The following STAG1 variants were observed in gnomAD, a reference collection of about 807,000 sequenced individuals.
STAG1 encodes the protein STAG1 cohesin complex component, also known as cohesin subunit SA-1.
Under a neutral mutation model 170.9 loss-of-function variants are expected in STAG1, and 26 were observed. The observed-to-expected ratio is 0.15, with a 90% confidence interval of 0.11 to 0.21. STAG1 has a LOEUF of 0.21. Among genes scored for constraint, STAG1 ranks in the 10% least tolerant of loss-of-function variants. The pLI, the probability that STAG1 is intolerant of heterozygous loss-of-function variation, is 1.00. For synonymous variants in STAG1, 514 were observed against 497.7 expected (o/e 1.03, Z -0.44); for missense variants, 964 against 1,509.5 (o/e 0.64, Z 5.99).
chr3:136,672,351 T>G, intron 1 of STAG1, among the ~76,000 whole-genome samples: 1 of 152,280 alleles, frequency 6.6e-6, no homozygotes, highest in East Asian at 1.9e-4. Flanking sequence ...AAAGTGAGGG[T>G]TAAATAATAA....
chr3:136,592,534 C>A (rs1938235699), intron 4 of STAG1, among the ~76,000 whole-genome samples: 1 of 152,162 alleles, frequency 6.6e-6, no homozygotes, highest in East Asian at 1.9e-4. Flanking sequence ...CATGTGAGAA[C>A]AAACTAATAC....
intron 4 of STAG1, among the ~76,000 whole-genome samples, chr3:136,591,273 A>G (rs1576641579): frequency 8.0e-6 from 1 of 125,426 alleles, no homozygotes; most frequent in Non-Finnish European, 1.7e-5. Flanking sequence ...GGAGGAGGGG[A>G]GGAGGGAAGG....
intron 1 of STAG1, among the ~76,000 whole-genome samples, chr3:136,747,082 G>C (rs1341727444): frequency 7.2e-5 from 7 of 96,714 alleles, no homozygotes; most frequent in Non-Finnish European, 1.4e-4. Context: ...GGCAACAAGA[G>C]TGAAACTGTC....
In STAG1 at chr3:136,433,677, AC is replaced by A; in HGVS notation, c.1547-19del. On this transcript the variant is annotated intron_variant, in intron 15 of 33. Transcript: ENST00000383202. The stretch of plus-strand genomic sequence containing the variant: ...AGACATTGCTAAGGTAAAACAAAAT[AC>A]ATGAGCATGAGTAGACAGTTTTACA... 6.5e-7 allele frequency: 1 copy of A among 1,546,400 alleles called. No homozygotes were observed. The highest frequency in any genetic ancestry group is 8.9e-7 in the Non-Finnish European group (1 of 1,121,044).
At chr3:136,356,505 C>A (rs1260070816) in intron 28 of STAG1, among the ~76,000 whole-genome samples, 1 of 151,876 alleles carries the variant, frequency 6.6e-6, no homozygotes, top group Non-Finnish European at 1.5e-5. Flanking sequence ...CTCAGCCTCC[C>A]AAGTAGCTGG....
intron 7 of STAG1, among the ~76,000 whole-genome samples, chr3:136,512,204 G>A (rs1316405052): frequency 6.6e-6 from 1 of 151,596 alleles, no homozygotes; most frequent in Non-Finnish European, 1.5e-5. Context: ...GCTTCAGGAG[G>A]CTAAGGCAGG....
At chr3:136,715,359 G>A (rs1345270552) in intron 1 of STAG1, among the ~76,000 whole-genome samples, 3 of 151,536 alleles carry the variant, frequency 2.0e-5, no homozygotes, top group South Asian at 2.1e-4. Context: ...AGTGGCTCAC[G>A]CCTATTATCC....
At chr3:136,517,007 C>G (rs529624863) in intron 7 of STAG1, among the ~76,000 whole-genome samples, 1 of 152,176 alleles carries the variant, frequency 6.6e-6, no homozygotes, top group African/African-American at 2.4e-5. Flanking sequence ...AGCCTCTGAT[C>G]ATAAATTAAA....
At chr3:136,374,907 T>G (rs1937520881) in intron 23 of STAG1, among the ~76,000 whole-genome samples, 1 of 152,184 alleles carries the variant, frequency 6.6e-6, no homozygotes, top group African/African-American at 2.4e-5. Context: ...ATTCTTATGG[T>G]AAGTATACCA....
At chr3:136,650,948 G>T (rs1941197682) in intron 1 of STAG1, among the ~76,000 whole-genome samples, 1 of 151,680 alleles carries the variant, frequency 6.6e-6, no homozygotes, top group African/African-American at 2.4e-5. Context: ...GGAAGATGCA[G>T]CACTGGGGAG....
intron 24 of STAG1, 21 bp downstream of exon 24, chr3:136,369,087 C>G (rs1937193452): frequency 6.8e-7 from 1 of 1,460,514 alleles, no homozygotes; most frequent in Admixed American, 2.7e-5. Flanking sequence ...TCAATATTGA[C>G]AAGATGATAG....
At chr3:136,398,127 T>C (rs2108340005) in intron 22 of STAG1, among the ~76,000 whole-genome samples, 1 of 151,750 alleles carries the variant, frequency 6.6e-6, no homozygotes. Context: ...TTGTATTTTT[T>C]TTTTTTTCAG....
At chr3:136,641,311 A>T (rs1002394603) in intron 1 of STAG1, among the ~76,000 whole-genome samples, 5 of 152,176 alleles carry the variant, frequency 3.3e-5, no homozygotes, top group East Asian at 1.9e-4. Flanking sequence ...CCTTTTTTTT[A>T]AAACGTATTA....
chr3:136,521,547 T>C (rs994140365), intron 6 of STAG1, 130 bp from the exon 7 acceptor site: 12 of 665,154 alleles, frequency 1.8e-5, no homozygotes, highest in South Asian at 1.6e-4. Flanking sequence ...GTGACTTTCA[T>C]AGCACATTTG....
Position 136,655,761 on chromosome 3 carries a change from T to TA in STAG1, c.-83-24781dup, listed in dbSNP as rs796281356. ...CCTGGGTGGCAGGGTAAGACTCCAT[T>TA]AAAAAAAAAAAAAATCCAGAAAGTA... On this transcript the variant is annotated intron_variant, in intron 1 of 33. Coordinates refer to ENST00000383202, the MANE Select transcript of STAG1 (RefSeq NM_005862.3). 2.4e-3 allele frequency among the ~76,000 whole-genome samples: 343 copies of TA among 143,050 alleles called. 2 individuals are homozygous for TA. The highest frequency in any genetic ancestry group is 6.8e-3 in the South Asian group (31 of 4,546). 93.8% of individuals were successfully genotyped at this position (143,050 alleles called of 152,430 possible).
chr3:136,595,726 A>G (rs892719376), intron 4 of STAG1, among the ~76,000 whole-genome samples: 2 of 126,554 alleles, frequency 1.6e-5, no homozygotes, highest in African/African-American at 2.9e-5. Context: ...AAATAAATAA[A>G]TAAGAACTTT....
At chr3:136,518,135 A>G (rs1171400120) in intron 7 of STAG1, 6 of 379,054 alleles carry the variant, frequency 1.6e-5, no homozygotes, top group Non-Finnish European at 2.8e-5. Flanking sequence ...TTGAATTCAT[A>G]ACAGGAAAAT....
At chr3:136,736,910 C>T in intron 1 of STAG1, 2 of 1,586,672 alleles carry the variant, frequency 1.3e-6, no homozygotes, top group Non-Finnish European at 1.7e-6. Flanking sequence ...TTCTTTTGCT[C>T]CTGATCTAGT....
At chr3:136,723,085 C>T (rs1403058423) in intron 1 of STAG1, among the ~76,000 whole-genome samples, 4 of 152,230 alleles carry the variant, frequency 2.6e-5, no homozygotes, top group East Asian at 1.9e-4. Flanking sequence ...CCCAAAGTGC[C>T]GAGATTGCAG....
Sources: allele counts gnomAD v4.1 joint callset (sites outside exome capture counted in the v4.1 genomes callset), GRCh38; gene constraint gnomAD v4.1.1; transcripts MANE v1.5; gene names NCBI Gene and HGNC (gene_info 2026-07-23, HGNC 2026-07-21).